AOAH: variants seen among roughly 807,000 people sequenced by gnomAD.
AOAH encodes acyloxyacyl hydrolase (neutrophil).
A neutral mutation model predicts 92.2 loss-of-function variants in AOAH; 64 were observed. The observed-to-expected ratio is 0.69, with a 90% CI of 0.57 to 0.86. AOAH has a LOEUF of 0.86. Among genes scored for constraint, AOAH ranks in the 40% least tolerant of loss-of-function variants. The pLI is 0.00. For missense variants in AOAH, 656 were observed against 694.6 expected (o/e 0.94, Z 0.62); for synonymous variants, 263 against 254.5 (o/e 1.03, Z -0.32).
At chr7:36,608,923 T>C in intron 11 of AOAH, among the ~76,000 whole-genome samples, 1 of 146,222 alleles carries the variant, frequency 6.8e-6, no homozygotes. Context: ...GGGGGGGGTC[T>C]GGTACAAAGA....
intron 11 of AOAH, among the ~76,000 whole-genome samples, chr7:36,612,945 T>A (rs1420329864): frequency 6.6e-6 from 1 of 152,230 alleles, no homozygotes; most frequent in African/African-American, 2.4e-5. Context: ...GTAAGTATTG[T>A]TCTACTTTTA....
At chr7:36,573,048 A>G (rs141966800) in intron 13 of AOAH, among the ~76,000 whole-genome samples, 249 of 152,340 alleles carry the variant, frequency 1.6e-3, no homozygotes, top group African/African-American at 5.2e-3. Flanking sequence ...GAGACATTCA[A>G]TGATTGGCCC....
At position 36,656,568 on chromosome 7, in the gene AOAH, G is replaced by A. The variant is rs1794905027; in HGVS notation, c.390+2598C>T. Among the ~76,000 whole-genome samples the A allele has an allele frequency of 2.0e-5, 3 of 152,076 alleles. No individual in the cohort carries two copies. In the South Asian group the frequency reaches 6.2e-4, roughly 32 times the overall value. ...TGCTCTACTACAGACAGAGGAGGCA[G>A]TCTTGAGCTTACAAAATGAGGGGTT... is the stretch of plus-strand genomic sequence containing the variant. On this transcript the variant is annotated intron_variant, in intron 4 of 20. Transcript: ENST00000617537.
intron 1 of AOAH, among the ~76,000 whole-genome samples, chr7:36,705,979 C>T (rs982759219): frequency 6.6e-6 from 1 of 152,068 alleles, no homozygotes; most frequent in African/African-American, 2.4e-5. Context: ...AAAATGAACC[C>T]CTTCCTTACA....
chr7:36,637,504 T>C (rs962572953), intron 5 of AOAH, among the ~76,000 whole-genome samples: 1 of 151,846 alleles, frequency 6.6e-6, no homozygotes, highest in African/African-American at 2.4e-5. Context: ...CTGGGAGGCA[T>C]TGTTGGTTGT....
At chr7:36,654,684 A>T (rs1198893885) in intron 4 of AOAH, among the ~76,000 whole-genome samples, 1 of 152,176 alleles carries the variant, frequency 6.6e-6, no homozygotes, top group East Asian at 1.9e-4. Context: ...ATTGTACTAG[A>T]GTCTGAAATG....
chr7:36,558,805 C>T (rs940156426), intron 13 of AOAH, among the ~76,000 whole-genome samples: 4 of 152,362 alleles, frequency 2.6e-5, no homozygotes, highest in Non-Finnish European at 4.4e-5. Flanking sequence ...TCTCCTGGTG[C>T]GCTGTTTCCT....
At chr7:36,664,645 A>G (rs1412460838) in intron 3 of AOAH, among the ~76,000 whole-genome samples, 2 of 152,216 alleles carry the variant, frequency 1.3e-5, no homozygotes, top group Admixed American at 6.5e-5. Context: ...GTCAATATCT[A>G]TAAAATAATT....
At chr7:36,679,952 C>T (rs527896152) in intron 2 of AOAH, among the ~76,000 whole-genome samples, 36 of 152,250 alleles carry the variant, frequency 2.4e-4, no homozygotes, top group African/African-American at 8.4e-4. Context: ...CCACCACAAC[C>T]GGCCAACCAC....
chr7:36,543,550 G>A (rs1785563678), intron 15 of AOAH, among the ~76,000 whole-genome samples: 1 of 151,954 alleles, frequency 6.6e-6, no homozygotes, highest in African/African-American at 2.4e-5. Flanking sequence ...GAGTTAAGAT[G>A]GACAAAGTCT....
At position 36,724,376 on chromosome 7, in the gene AOAH, G is replaced by A. The variant is rs965368680; in HGVS notation, c.-228C>T. On this transcript the variant is annotated 5_prime_UTR_variant, in exon 1 of 21. Transcript: ENST00000617537. ...AGCTTGCTCTTGTTGGACCCTGAGA[G>A]AGCCACACACAAAGAGCTGGAGGGA... The A allele has an allele frequency of 1.2e-5, 5 of 411,956 alleles. No individual in the cohort carries two copies. Among genetic ancestry groups the A allele is most frequent in the African/African-American group, 4.1e-5 (2 of 48,944 alleles). The allele number at this position is 411,956 out of a possible 1,614,324, so 25.5% of individuals were successfully genotyped here.
intron 20 of AOAH, among the ~76,000 whole-genome samples, chr7:36,515,812 C>A (rs912413606): frequency 7.1e-6 from 1 of 140,012 alleles, no homozygotes; most frequent in African/African-American, 2.7e-5. Flanking sequence ...ACACCACACC[C>A]CTTACAACCC....
intron 6 of AOAH, among the ~76,000 whole-genome samples, chr7:36,629,402 C>T (rs1331996498): frequency 1.3e-5 from 2 of 152,044 alleles, no homozygotes; most frequent in East Asian, 3.9e-4. Flanking sequence ...TACAATAATG[C>T]ATTCAACAGG....
chr7:36,596,831 CA>C (rs1271247099), intron 11 of AOAH, among the ~76,000 whole-genome samples: 8 of 152,210 alleles, frequency 5.3e-5, no homozygotes, highest in African/African-American at 1.9e-4. Context: ...GAAACTAATA[CA>C]TGGCTTGAAT....
intron 16 of AOAH, 51 bp downstream of exon 16, chr7:36,540,267 AC>A (rs1450419944): frequency 6.8e-7 from 1 of 1,474,016 alleles, no homozygotes; most frequent in African/African-American, 1.4e-5. Flanking sequence ...TATACATTGA[AC>A]TGTATATACA....
intron 20 of AOAH, among the ~76,000 whole-genome samples, chr7:36,517,218 T>TTCTTTTTC (rs1783811194): frequency 8.1e-5 from 5 of 62,086 alleles, no homozygotes; most frequent in Non-Finnish European, 1.2e-4. Flanking sequence ...TTCTTTCTCT[T>TTCTTTTTC]TCTTTCTGTC....
At chr7:36,559,220 T>C (rs1787072179) in intron 13 of AOAH, among the ~76,000 whole-genome samples, 1 of 152,260 alleles carries the variant, frequency 6.6e-6, no homozygotes, top group Non-Finnish European at 1.5e-5. Flanking sequence ...TATGGGTACA[T>C]ATGCCCTTTT....
At chr7:36,513,832 G>A (rs1459725592) in intron 20 of AOAH, among the ~76,000 whole-genome samples, 1 of 152,208 alleles carries the variant, frequency 6.6e-6, no homozygotes, top group Non-Finnish European at 1.5e-5. Context: ...CTTGATTTTG[G>A]TTTGTGAGAC....
chr7:36,545,067 A>G (rs62447187), intron 15 of AOAH, among the ~76,000 whole-genome samples: 1 of 151,448 alleles, frequency 6.6e-6, no homozygotes, highest in East Asian at 1.9e-4. Flanking sequence ...TTTTTTTTAA[A>G]TAGAGACAGG....
Sources: allele counts gnomAD v4.1 joint callset (sites outside exome capture counted in the v4.1 genomes callset), GRCh38; gene constraint gnomAD v4.1.1; transcripts MANE v1.5; gene names NCBI Gene and HGNC (gene_info 2026-07-23, HGNC 2026-07-21).